Variants in OSBPL1A observed in about 807,000 individuals in gnomAD.
OSBPL1A encodes the protein oxysterol-binding protein-related protein 1.
In OSBPL1A, 80 loss-of-function variants were observed where a neutral mutation model predicts 137.1. That is an observed-to-expected ratio of 0.58 (90% CI 0.49 to 0.70). OSBPL1A has a LOEUF of 0.70. Among genes scored for constraint, OSBPL1A ranks in the 30% least tolerant of loss-of-function variants. The probability of loss-of-function intolerance (pLI) is 0.00; values close to 1 mark genes in which losing one functional copy is unlikely to be tolerated. For synonymous variants in OSBPL1A, 365 were observed against 389.7 expected (o/e 0.94, Z 0.75); for missense variants, 970 against 1,129.4 (o/e 0.86, Z 2.02).
chr18:24,164,371 A>G (rs2145899924), intron 27 of OSBPL1A, among the ~76,000 whole-genome samples: 1 of 152,084 alleles, frequency 6.6e-6, no homozygotes, highest in Non-Finnish European at 1.5e-5. Context: ...ACTCGTAGTG[A>G]AAATATAAAT....
intron 16 of OSBPL1A, among the ~76,000 whole-genome samples, chr18:24,226,594 TAAC>T (rs2088084002): frequency 6.6e-6 from 1 of 152,184 alleles, no homozygotes; most frequent in Non-Finnish European, 1.5e-5. Flanking sequence ...GGTCAGGAAA[TAAC>T]AACGTTTTAG....
intron 15 of OSBPL1A, among the ~76,000 whole-genome samples, chr18:24,242,100 G>A (rs1324918233): frequency 1.3e-5 from 2 of 151,032 alleles, no homozygotes; most frequent in African/African-American, 4.9e-5. Flanking sequence ...CACATGGAGG[G>A]GAACATCACA....
intron 7 of OSBPL1A, among the ~76,000 whole-genome samples, chr18:24,325,551 C>A (rs2090958656): frequency 6.6e-6 from 1 of 152,214 alleles, no homozygotes; most frequent in Non-Finnish European, 1.5e-5. Context: ...CCTTTGCATC[C>A]CTTCTAAGAT....
At chr18:24,366,316 A>C (rs796801627) in intron 4 of OSBPL1A, 6 of 152,160 alleles carry the variant, frequency 3.9e-5, no homozygotes, top group African/African-American at 1.4e-4. Flanking sequence ...GTTTTTATGG[A>C]GGTTCCATTA....
At chr18:24,164,461 C>A (rs2086096279) in intron 27 of OSBPL1A, among the ~76,000 whole-genome samples, 1 of 123,612 alleles carries the variant, frequency 8.1e-6, no homozygotes. Context: ...CGGAGTCTCG[C>A]TCTGTCGCCC....
chr18:24,249,153 A>T (rs544762399), intron 15 of OSBPL1A, among the ~76,000 whole-genome samples: 1 of 152,352 alleles, frequency 6.6e-6, no homozygotes, highest in South Asian at 2.1e-4. Context: ...CTCTCATATG[A>T]GGAACTTCCA....
At chr18:24,269,989 T>C (rs551923878) in intron 15 of OSBPL1A, among the ~76,000 whole-genome samples, 5 of 152,210 alleles carry the variant, frequency 3.3e-5, no homozygotes, top group Non-Finnish European at 7.3e-5. Context: ...TTATAACTTA[T>C]GTCTTAGCTG....
chr18:24,171,106 C>A (rs1315794122), intron 23 of OSBPL1A, among the ~76,000 whole-genome samples: 1 of 151,374 alleles, frequency 6.6e-6, no homozygotes, highest in African/African-American at 2.4e-5. Context: ...GCGATCTCGG[C>A]TCACTGCAAC....
intron 18 of OSBPL1A, among the ~76,000 whole-genome samples, chr18:24,183,435 CTTTT>C (rs35407694): frequency 7.2e-6 from 1 of 139,274 alleles, no homozygotes. Context: ...TTTTCTTTTT[CTTTT>C]TTTTTTTTTT....
chr18:24,227,700 G>A (rs1000997392), intron 16 of OSBPL1A, among the ~76,000 whole-genome samples: 2 of 152,106 alleles, frequency 1.3e-5, no homozygotes, highest in East Asian at 1.9e-4. Flanking sequence ...TCCAGGAGGC[G>A]GCAGGAACAA....
At chr18:24,319,429 C>T (rs2090799194) in intron 7 of OSBPL1A, among the ~76,000 whole-genome samples, 1 of 152,198 alleles carries the variant, frequency 6.6e-6, no homozygotes, top group African/African-American at 2.4e-5. Flanking sequence ...CACAGCCACG[C>T]TTCAGCCGTC....
chr18:24,173,430 T>C (rs1345058806), intron 21 of OSBPL1A, among the ~76,000 whole-genome samples: 2 of 152,244 alleles, frequency 1.3e-5, no homozygotes, highest in Non-Finnish European at 2.9e-5. Flanking sequence ...TTATTTTTTT[T>C]GAGACAGAGT....
intron 4 of OSBPL1A, among the ~76,000 whole-genome samples, chr18:24,354,606 G>A (rs576579037): frequency 1.3e-5 from 2 of 151,890 alleles, no homozygotes; most frequent in African/African-American, 2.4e-5. Flanking sequence ...ACTGAGGAAC[G>A]TTCAGTAAAC....
intron 4 of OSBPL1A, chr18:24,358,131 A>T (rs1401518995): frequency 2.9e-6 from 1 of 341,942 alleles, no homozygotes; most frequent in East Asian, 5.5e-5. Flanking sequence ...TGAGAAACTC[A>T]GGTGTGTCCT....
At chr18:24,316,547 A>C (rs1047049635) in intron 11 of OSBPL1A, among the ~76,000 whole-genome samples, 10 of 152,240 alleles carry the variant, frequency 6.6e-5, no homozygotes, top group African/African-American at 2.4e-4. Context: ...ATTTTAAAAC[A>C]AAATGTATTA....
chr18:24,317,758 A>G (rs2146120972), intron 9 of OSBPL1A, among the ~76,000 whole-genome samples: 1 of 152,334 alleles, frequency 6.6e-6, no homozygotes, highest in African/African-American at 2.4e-5. Flanking sequence ...TCCTAAATTT[A>G]TCTTATACAA....
At chr18:24,282,710 T>C (rs896404903) in intron 14 of OSBPL1A, among the ~76,000 whole-genome samples, 5 of 152,222 alleles carry the variant, frequency 3.3e-5, no homozygotes, top group Non-Finnish European at 7.3e-5. Flanking sequence ...TAAGATCCTT[T>C]AAATCTGTCC....
rs1491489795 is a variant in OSBPL1A, at chr18:24,175,107, T to TATATATATATATAC, written c.2094-2625_2094-2624insGTATATATATATAT. 2.3e-3 allele frequency among the ~76,000 whole-genome samples: 53 copies of TATATATATATATAC among 23,162 alleles called. 1 individual carries two copies. Among genetic ancestry groups the TATATATATATATAC allele is most frequent in the African/African-American group, 5.3e-3 (49 of 9,326 alleles). The allele number at this position is 23,162 out of a possible 152,430, so 15.2% of individuals were successfully genotyped here. On this transcript the variant is annotated intron_variant, in intron 21 of 27. Coordinates refer to ENST00000319481, the MANE Select transcript of OSBPL1A (RefSeq NM_080597.4). ...TTCATGTGCTTATTTGCCATGTGTATGTATATATATATATATATATATATA... is the reference window on the plus strand; with the variant it reads ...TTCATGTGCTTATTTGCCATGTGTATATATATATATATACGTATATATATATATATATATATATA...
rs111529965 is a variant in OSBPL1A at position 24,222,506 on chromosome 18, G to A, written c.1601+2536C>T. On this transcript the variant is annotated intron_variant, in intron 17 of 27. Coordinates refer to ENST00000319481, the MANE Select transcript of OSBPL1A (RefSeq NM_080597.4). ...TCCAAGCTTTGAGAATTGCTCCCAC[G>A]GAATGTGGCCAAGATGGCAATAAGC... Among the ~76,000 whole-genome samples the A allele has an allele frequency of 8.0e-3, 1,215 of 152,196 alleles. 12 individuals carry two copies. Among genetic ancestry groups the A allele is most frequent in the African/African-American group, 0.028 (1,161 of 41,540 alleles).
Sources: allele counts gnomAD v4.1 joint callset (sites outside exome capture counted in the v4.1 genomes callset), GRCh38; gene constraint gnomAD v4.1.1; transcripts MANE v1.5; gene names NCBI Gene and HGNC (gene_info 2026-07-23, HGNC 2026-07-21).